Variants in GRIN2B observed in about 807,000 individuals in gnomAD.
The protein encoded by GRIN2B is glutamate receptor ionotropic, NMDA 2B.
Under a neutral mutation model 114.5 loss-of-function variants are expected in GRIN2B, and 5 were observed. The ratio of observed to expected loss-of-function variants is 0.04; its 90% CI spans 0.02 to 0.09. The LOEUF (loss-of-function observed/expected upper bound fraction) is 0.09. Ranked by LOEUF, GRIN2B falls within the 10% of genes least tolerant of loss-of-function variation. The pLI, the probability that GRIN2B is intolerant of heterozygous loss-of-function variation, is 1.00. For synonymous variants in GRIN2B, 787 were observed against 745.1 expected, an observed-to-expected ratio of 1.06 and a Z score of -0.92; for missense variants, 1,108 against 1,943.5, an observed-to-expected ratio of 0.57 and a Z score of 8.08.
At chr12:13,749,622 T>C (rs1286842072) in intron 4 of GRIN2B, among the ~76,000 whole-genome samples, 1 of 152,204 alleles carries the variant, frequency 6.6e-6, no homozygotes, top group Non-Finnish European at 1.5e-5. Context: ...GTGTGGCTGC[T>C]TGGTTTGTTA....
intron 2 of GRIN2B, among the ~76,000 whole-genome samples, chr12:13,952,114 T>C (rs1867493488): frequency 6.6e-6 from 1 of 152,042 alleles, no homozygotes; most frequent in Admixed American, 6.6e-5. Flanking sequence ...TATATGGTGA[T>C]ATAAAAATAA....
intron 2 of GRIN2B, among the ~76,000 whole-genome samples, chr12:13,885,523 A>G (rs1277041286): frequency 2.0e-5 from 3 of 152,160 alleles, no homozygotes; most frequent in Admixed American, 6.5e-5. Context: ...TTCATCCTCC[A>G]TATAAATGTT....
chr12:13,707,168 T>C (rs893807920), intron 4 of GRIN2B, among the ~76,000 whole-genome samples: 1 of 152,132 alleles, frequency 6.6e-6, no homozygotes, highest in Non-Finnish European at 1.5e-5. Context: ...ATGTCAATTC[T>C]GTCAGCTCTT....
chr12:13,942,821 G>C (rs1288688603), intron 2 of GRIN2B, among the ~76,000 whole-genome samples: 1 of 152,014 alleles, frequency 6.6e-6, no homozygotes, highest in African/African-American at 2.4e-5. Context: ...GAGCCTGCTG[G>C]GTACACAGCA....
intron 5 of GRIN2B, among the ~76,000 whole-genome samples, chr12:13,655,431 TA>T (rs1949854008): frequency 6.6e-6 from 1 of 152,140 alleles, no homozygotes; most frequent in African/African-American, 2.4e-5. Flanking sequence ...TTTACAGCGG[TA>T]AGAATTGACT....
chr12:13,709,801 G>C (rs1390346525), intron 4 of GRIN2B, among the ~76,000 whole-genome samples: 2 of 151,884 alleles, frequency 1.3e-5, no homozygotes, highest in African/African-American at 4.8e-5. Context: ...TCCCACTGTT[G>C]ACAAACATTC....
chr12:13,678,138 T>C (rs1950093020), intron 4 of GRIN2B, among the ~76,000 whole-genome samples: 1 of 152,164 alleles, frequency 6.6e-6, no homozygotes, highest in Admixed American at 6.5e-5. Flanking sequence ...GTTCATCTGC[T>C]GGAATGCAGG....
intron 10 of GRIN2B, among the ~76,000 whole-genome samples, chr12:13,604,562 T>G (rs1032021250): frequency 6.6e-6 from 1 of 152,246 alleles, no homozygotes; most frequent in African/African-American, 2.4e-5. Flanking sequence ...ACTTCCTTGA[T>G]GAAAATCTAA....
intron 5 of GRIN2B, among the ~76,000 whole-genome samples, chr12:13,625,560 T>A (rs1366401569): frequency 6.6e-6 from 1 of 152,188 alleles, no homozygotes; most frequent in Non-Finnish European, 1.5e-5. Flanking sequence ...TAACTATTAC[T>A]ACTACAATTG....
chr12:13,565,089 C>A (rs1336391827), intron 13 of GRIN2B, among the ~76,000 whole-genome samples: 2 of 152,212 alleles, frequency 1.3e-5, no homozygotes, highest in African/African-American at 4.8e-5. Flanking sequence ...TGTGGCTGGG[C>A]CACACCTGGC....
chr12:13,830,749 C>T (rs539059324), intron 3 of GRIN2B, among the ~76,000 whole-genome samples: 2 of 152,338 alleles, frequency 1.3e-5, no homozygotes, highest in Admixed American at 6.5e-5. Flanking sequence ...AATTCACGGG[C>T]AACATTTCTG....
intron 5 of GRIN2B, among the ~76,000 whole-genome samples, chr12:13,664,201 G>T (rs1949952630): frequency 6.6e-6 from 1 of 152,140 alleles, no homozygotes; most frequent in Non-Finnish European, 1.5e-5. Context: ...AAAAGCACAA[G>T]AGGTGCTGGA....
chr12:13,631,148 T>G (rs1949612518), intron 5 of GRIN2B, among the ~76,000 whole-genome samples: 1 of 152,168 alleles, frequency 6.6e-6, no homozygotes, highest in Non-Finnish European at 1.5e-5. Flanking sequence ...GAGATTTGGT[T>G]GGCAACGCAG....
intron 5 of GRIN2B, among the ~76,000 whole-genome samples, chr12:13,640,142 T>C (rs1395307132): frequency 6.6e-6 from 1 of 152,120 alleles, no homozygotes; most frequent in Non-Finnish European, 1.5e-5. Flanking sequence ...TCCCAGCTAC[T>C]TGGGAGTCTG....
At chr12:13,807,229 T>C (rs902417546) in intron 3 of GRIN2B, among the ~76,000 whole-genome samples, 4 of 152,184 alleles carry the variant, frequency 2.6e-5, no homozygotes, top group African/African-American at 9.6e-5. Flanking sequence ...GGTGACCTTC[T>C]GCCCAAACCT....
chr12:13,818,030 A>C (rs112965160), intron 3 of GRIN2B, among the ~76,000 whole-genome samples: 2 of 152,234 alleles, frequency 1.3e-5, no homozygotes, highest in Non-Finnish European at 2.9e-5. Flanking sequence ...ATAATTCAGC[A>C]TGACTCAAGA....
At chr12:13,774,168 G>A (rs545919791) in intron 3 of GRIN2B, among the ~76,000 whole-genome samples, 34 of 152,286 alleles carry the variant, frequency 2.2e-4, no homozygotes, top group African/African-American at 7.9e-4. Flanking sequence ...AGTTTTAGTA[G>A]TAAATTTTAA....
chr12:13,974,735 TACACCACTAGATCCTGCTCC>T (rs1862989537), intron 2 of GRIN2B, among the ~76,000 whole-genome samples: 1 of 151,996 alleles, frequency 6.6e-6, no homozygotes, highest in Admixed American at 6.6e-5. Context: ...GATCCTGGGC[TACACCACTAGATCCTGCTCC>T]ACACCACTAG....
At chr12:13,868,460 A>ACC (rs1865859732) in intron 2 of GRIN2B, among the ~76,000 whole-genome samples, 1 of 121,530 alleles carries the variant, frequency 8.2e-6, no homozygotes, top group African/African-American at 2.8e-5. Flanking sequence ...CAAAGTACAC[A>ACC]CACACACACA....
Sources: gnomAD v4.1 joint callset for allele counts (sites outside exome capture counted in the v4.1 genomes callset) on GRCh38, gnomAD v4.1.1 for gene constraint, MANE v1.5 for transcripts, NCBI Gene and HGNC (gene_info 2026-07-23, HGNC 2026-07-21) for gene names.